ACTR3C: variants seen among roughly 807,000 people sequenced by gnomAD.
The protein encoded by ACTR3C is actin-related protein 3C.
A neutral mutation model predicts 26.3 loss-of-function variants in ACTR3C; 18 were observed. The observed-to-expected ratio is 0.68, with a 90% CI of 0.47 to 1.01. The LOEUF (loss-of-function observed/expected upper bound fraction) is 1.01. Ranked by LOEUF, ACTR3C falls within the 50% of genes least tolerant of loss-of-function variation. ACTR3C has a pLI of 0.00. For synonymous variants in ACTR3C, 55 were observed against 94.5 expected (o/e 0.58, Z 2.42); for missense variants, 184 against 250.7 (o/e 0.73, Z 1.80).
chr7:150,005,418 G>A, the ACTR3C span, among the ~76,000 whole-genome samples: 40 of 152,306 alleles, frequency 2.6e-4, no homozygotes, highest in African/African-American at 9.4e-4. Context: ...AAACTGATGT[G>A]AGATTTTTGC....
chr7:150,256,164 A>G (rs1439036176), intron 6 of ACTR3C, among the ~76,000 whole-genome samples: 1 of 152,262 alleles, frequency 6.6e-6, no homozygotes, highest in Non-Finnish European at 1.5e-5. Flanking sequence ...TTGTTTATCC[A>G]GTCCTCCATG....
downstream of ACTR3C, chr7:150,245,408 G>A (rs1832411068): frequency 6.6e-6 from 1 of 152,072 alleles, no homozygotes. Flanking sequence ...TCAGAGACAT[G>A]GCCTGTCTCC....
At chr7:150,081,305 AAG>A in the ACTR3C span, among the ~76,000 whole-genome samples, 1 of 151,204 alleles carries the variant, frequency 6.6e-6, no homozygotes. Context: ...ATAGAAAGAG[AAG>A]AGAGAAAAGA....
chr7:150,264,694 G>A (rs1164947097), intron 6 of ACTR3C: 1 of 960,318 alleles, frequency 1.0e-6, no homozygotes, highest in East Asian at 1.2e-4. Context: ...TGGTGGATAA[G>A]ACAGCAACGG....
At chr7:150,071,040 T>C in the ACTR3C span, among the ~76,000 whole-genome samples, 81 of 125,086 alleles carry the variant, frequency 6.5e-4, no homozygotes, top group African/African-American at 1.9e-3. Flanking sequence ...ATGATCCACC[T>C]ACCTCAGCCT....
chr7:150,148,931 G>T, the ACTR3C span, among the ~76,000 whole-genome samples: 2 of 151,396 alleles, frequency 1.3e-5, no homozygotes, highest in Non-Finnish European at 2.9e-5. Flanking sequence ...ATTTCCAGGG[G>T]TTAATCCAGC....
At chr7:150,193,407 T>TA in the ACTR3C span, among the ~76,000 whole-genome samples, 11 of 145,486 alleles carry the variant, frequency 7.6e-5, no homozygotes, top group East Asian at 2.1e-3. Context: ...TTTTTTATTT[T>TA]CTTTTTTTTT....
intron 1 of ACTR3C, among the ~76,000 whole-genome samples, chr7:150,315,409 A>G (rs910433098): frequency 6.6e-6 from 1 of 152,222 alleles, no homozygotes; most frequent in African/African-American, 2.4e-5. Context: ...CTACAAATCA[A>G]TCAGGAAAAG....
Position 150,297,363 on chromosome 7 carries a change from CAAT to C in ACTR3C, c.-51-2019_-51-2017del, listed in dbSNP as rs1000714724. On this transcript the variant is annotated intron_variant, in intron 1 of 7. Coordinates refer to ENST00000683684, the MANE Select transcript of ACTR3C (RefSeq NM_001164458.2). ...ATTATGTGTCAATTTAAAAAAAAAA[CAAT>C]AAAATAAAATACTAAGGAGAAAAAA... Among the ~76,000 whole-genome samples, 96 of 149,176 alleles carry C rather than the reference CAAT, an allele frequency of 6.4e-4. 2 individuals carry two copies. Among genetic ancestry groups the C allele is most frequent in the Middle Eastern group, 3.5e-3 (1 of 286 alleles).
chr7:150,043,646 A>T, the ACTR3C span, among the ~76,000 whole-genome samples: 1 of 152,228 alleles, frequency 6.6e-6, no homozygotes, highest in Non-Finnish European at 1.5e-5. Flanking sequence ...TGCAATATCC[A>T]TGGCTATTCT....
At chr7:150,008,416 T>TTCATCTGAAA in the ACTR3C span, among the ~76,000 whole-genome samples, 1 of 152,230 alleles carries the variant, frequency 6.6e-6, no homozygotes, top group East Asian at 1.9e-4. Context: ...GTGGCTCCAG[T>TTCATCTGAAA]TCATCTGAAA....
At chr7:150,229,506 A>G in the ACTR3C span, among the ~76,000 whole-genome samples, 1 of 151,346 alleles carries the variant, frequency 6.6e-6, no homozygotes, top group South Asian at 2.1e-4. Context: ...TATTTTTGAG[A>G]TTGAGTTTCA....
the ACTR3C span, among the ~76,000 whole-genome samples, chr7:149,942,662 T>A: frequency 6.7e-6 from 1 of 150,078 alleles, no homozygotes; most frequent in Non-Finnish European, 1.5e-5. Flanking sequence ...GTCAGAGGAA[T>A]GGCCCTGGTT....
chr7:150,030,356 TG>T, the ACTR3C span, among the ~76,000 whole-genome samples: 1 of 150,334 alleles, frequency 6.7e-6, no homozygotes, highest in African/African-American at 2.5e-5. Context: ...AACAGCCATA[TG>T]GGGCAAGTGG....
chr7:150,036,359 G>C, the ACTR3C span, among the ~76,000 whole-genome samples: 3 of 146,618 alleles, frequency 2.0e-5, no homozygotes, highest in Admixed American at 6.7e-5. Context: ...GTTTAGAGAC[G>C]TAGGCTACGG....
chr7:150,109,773 A>C, the ACTR3C span, among the ~76,000 whole-genome samples: 65 of 150,148 alleles, frequency 4.3e-4, 1 homozygote, highest in Middle Eastern at 6.8e-3. Context: ...CAGAAGAGAC[A>C]TAAGATTTGA....
chr7:150,299,492 A>C (rs1387351573), intron 1 of ACTR3C, among the ~76,000 whole-genome samples: 64 of 143,642 alleles, frequency 4.5e-4, no homozygotes, highest in South Asian at 1.9e-3. Flanking sequence ...AAAAAAAAAA[A>C]AACAAAAAAC....
At chr7:149,938,219 C>T in the ACTR3C span, among the ~76,000 whole-genome samples, 1 of 152,170 alleles carries the variant, frequency 6.6e-6, no homozygotes, top group Middle Eastern at 3.2e-3. Context: ...CTACTCTCAG[C>T]CCCCAAAATT....
At chr7:150,039,746 T>A in the ACTR3C span, among the ~76,000 whole-genome samples, 1 of 127,328 alleles carries the variant, frequency 7.9e-6, no homozygotes, top group Non-Finnish European at 1.7e-5. Context: ...GGGGGGTGCC[T>A]CCCCCTCCTG....
Sources: allele counts gnomAD v4.1 joint callset (sites outside exome capture counted in the v4.1 genomes callset), GRCh38; gene constraint gnomAD v4.1.1; transcripts MANE v1.5; gene names NCBI Gene and HGNC (gene_info 2026-07-23, HGNC 2026-07-21).